The following DSTN variants were observed in gnomAD, a reference collection of about 807,000 sequenced individuals.
DSTN encodes the protein destrin.
DSTN carries 10 observed loss-of-function variants against 16.8 expected under a neutral mutation model. That is an observed-to-expected ratio of 0.60 (90% CI 0.37 to 1.01). The LOEUF (loss-of-function observed/expected upper bound fraction) is 1.01. Among genes scored for constraint, DSTN ranks in the 50% least tolerant of loss-of-function variants. DSTN has a pLI of 0.01. For synonymous variants in DSTN, 57 were observed against 58.9 expected (o/e 0.97, Z 0.14); for missense variants, 141 against 196.7 (o/e 0.72, Z 1.69).
intron 2 of DSTN, 49 bp from the exon 3 acceptor site, chr20:17,604,506 T>C (rs1490771046): frequency 6.4e-7 from 1 of 1,563,318 alleles, no homozygotes; most frequent in East Asian, 2.2e-5. Context: ...AGTTGCAAGT[T>C]ATACTTTCTC....
chr20:17,571,066 A>T (rs1458977619), intron 1 of DSTN, among the ~76,000 whole-genome samples: 1 of 152,254 alleles, frequency 6.6e-6, no homozygotes, highest in Non-Finnish European at 1.5e-5. Context: ...ACAGGTGCTC[A>T]TTAGTATATT....
At position 17,607,267 on chromosome 20, in the gene DSTN, A is replaced by C; in HGVS notation, c.*121A>C. 1.3e-6 allele frequency: 1 copy of C among 765,274 alleles called. No individual in the cohort carries two copies. The highest frequency in any genetic ancestry group is 3.2e-5 in the Admixed American group (1 of 31,470). The allele number at this position is 765,274 out of a possible 1,614,324, so 47.4% of individuals were successfully genotyped here. ...GGGGAGCTGTCTTGTCATCTTTTAG[A>C]GTAAACTATTCTATAAACATATGCA... On this transcript the variant is annotated 3_prime_UTR_variant, in exon 4 of 4. Transcript: ENST00000246069.
rs1354147534 is a variant in DSTN, at chr20:17,574,865, C to CTTTTCTTTTTTTTTTTT, written c.3+4658_3+4659insCTTTTTTTTTTTTTTTT. Among the ~76,000 whole-genome samples the CTTTTCTTTTTTTTTTTT allele has an allele frequency of 4.2e-4, 27 of 64,258 alleles. 1 individual carries two copies. The highest frequency in any genetic ancestry group is 1.6e-3 in the African/African-American group (26 of 16,720). 42.2% of individuals were successfully genotyped at this position (64,258 alleles called of 152,430 possible). ...CTTTCTTTTCTTTTTCTTTTCTTTTCTTTTGTTTTTTTTTTTTTTTTTTTT... is the reference window on the plus strand; with the variant it reads ...CTTTCTTTTCTTTTTCTTTTCTTTTCTTTTCTTTTTTTTTTTTTTTTGTTTTTTTTTTTTTTTTTTTT... On this transcript the variant is annotated intron_variant, in intron 1 of 3. Transcript: ENST00000246069.
intron 1 of DSTN, among the ~76,000 whole-genome samples, chr20:17,578,420 T>A (rs1394491456): frequency 6.6e-6 from 1 of 152,202 alleles, no homozygotes; most frequent in Non-Finnish European, 1.5e-5. Context: ...GTTTTAAGTA[T>A]TGAATTAATT....
intron 1 of DSTN, among the ~76,000 whole-genome samples, chr20:17,600,080 A>G (rs2035570182): frequency 6.6e-6 from 1 of 152,232 alleles, no homozygotes; most frequent in Non-Finnish European, 1.5e-5. Context: ...TAACATAGCG[A>G]AAGGTAATTT....
intron 1 of DSTN, among the ~76,000 whole-genome samples, chr20:17,574,850 T>C (rs2035254675): frequency 2.4e-5 from 3 of 126,862 alleles, no homozygotes; most frequent in Admixed American, 1.6e-4. Context: ...CTTTCTTTTC[T>C]TTTTCTTTTC....
chr20:17,577,339 T>A (rs1264118636), intron 1 of DSTN, among the ~76,000 whole-genome samples: 1 of 152,188 alleles, frequency 6.6e-6, no homozygotes, highest in Non-Finnish European at 1.5e-5. Flanking sequence ...CTCAGGAGTT[T>A]TGAGGAATTC....
intron 2 of DSTN, 134 bp downstream of exon 2, chr20:17,601,179 C>T (rs2035583221): frequency 1.8e-6 from 2 of 1,130,062 alleles, no homozygotes; most frequent in South Asian, 3.8e-5. Context: ...TTACAGGTTT[C>T]ATAATGTTAC....
intron 1 of DSTN, among the ~76,000 whole-genome samples, chr20:17,588,940 C>A (rs2035441474): frequency 6.6e-6 from 1 of 152,092 alleles, no homozygotes; most frequent in Non-Finnish European, 1.5e-5. Flanking sequence ...CACCTGTATC[C>A]TCTGACTACT....
intron 1 of DSTN, among the ~76,000 whole-genome samples, chr20:17,585,938 A>G (rs181280475): frequency 1.1e-4 from 17 of 152,230 alleles, no homozygotes; most frequent in Admixed American, 6.5e-4. Flanking sequence ...GTGGAGAGGT[A>G]TATTTTATTT....
At chr20:17,592,951 C>T (rs1024751304) in intron 1 of DSTN, among the ~76,000 whole-genome samples, 1 of 152,216 alleles carries the variant, frequency 6.6e-6, no homozygotes, top group Non-Finnish European at 1.5e-5. Flanking sequence ...TTTTCTTCCT[C>T]TTCTTGTTCT....
intron 1 of DSTN, among the ~76,000 whole-genome samples, chr20:17,574,995 T>TAGG (rs1482312076): frequency 6.8e-6 from 1 of 147,138 alleles, no homozygotes; most frequent in Admixed American, 6.9e-5. Flanking sequence ...TAGCTGGGAC[T>TAGG]ACAGATGTGC....
At chr20:17,580,620 G>T (rs1055721398) in intron 1 of DSTN, among the ~76,000 whole-genome samples, 1 of 152,034 alleles carries the variant, frequency 6.6e-6, no homozygotes, top group Admixed American at 6.6e-5. Context: ...GATGGCACGC[G>T]CCTGTAATCC....
intron 1 of DSTN, among the ~76,000 whole-genome samples, chr20:17,577,983 C>T (rs1418373550): frequency 6.6e-6 from 1 of 152,208 alleles, no homozygotes; most frequent in African/African-American, 2.4e-5. Context: ...CTCAGTCACA[C>T]TAGCCACATT....
intron 1 of DSTN, among the ~76,000 whole-genome samples, chr20:17,597,897 TGTTG>T (rs1317055565): frequency 2.0e-5 from 3 of 152,222 alleles, no homozygotes; most frequent in African/African-American, 4.8e-5. Context: ...ACCTACTGTC[TGTTG>T]ATTTTACCCA....
intron 3 of DSTN, 59 bp downstream of exon 3, chr20:17,604,690 G>C: frequency 6.7e-7 from 1 of 1,500,404 alleles, no homozygotes; most frequent in African/African-American, 1.4e-5. Context: ...GAATGGGGCA[G>C]CACCTTTTCT....
At chr20:17,585,075 C>T (rs1233233710) in intron 1 of DSTN, among the ~76,000 whole-genome samples, 3 of 152,064 alleles carry the variant, frequency 2.0e-5, no homozygotes, top group Non-Finnish European at 2.9e-5. Context: ...TTATAAGGCT[C>T]TATGATATAA....
rs146097135 is a variant in DSTN at position 17,589,181 on chromosome 20, A to G, written c.4-11557A>G. 6.0e-5 allele frequency among the ~76,000 whole-genome samples: 9 copies of G among 150,478 alleles called. No individual in the cohort carries two copies. In the East Asian group the frequency reaches 1.7e-3, roughly 29 times the overall value. The stretch of plus-strand genomic sequence containing the variant: ...TACTTTAAGTAGAGTTTTGGTAGGG[A>G]GATGTATATATTCAACCCCTAACCC... On this transcript the variant is annotated intron_variant, in intron 1 of 3. Coordinates refer to ENST00000246069, the MANE Select transcript of DSTN (RefSeq NM_006870.4).
chr20:17,604,984 T>G (rs1264134691), intron 3 of DSTN: 1 of 454,130 alleles, frequency 2.2e-6, no homozygotes, highest in Non-Finnish European at 4.4e-6. Flanking sequence ...TGCTCTTGCC[T>G]TTGAATGTAG....
Sources: allele counts gnomAD v4.1 joint callset (sites outside exome capture counted in the v4.1 genomes callset), GRCh38; gene constraint gnomAD v4.1.1; transcripts MANE v1.5; gene names NCBI Gene and HGNC (gene_info 2026-07-23, HGNC 2026-07-21).